The following CACNA1C variants were observed in gnomAD, a reference collection of about 807,000 sequenced individuals.
CACNA1C encodes calcium voltage-gated channel subunit alpha1 C.
A neutral mutation model predicts 229.0 loss-of-function variants in CACNA1C; 30 were observed. The ratio of observed to expected loss-of-function variants is 0.13; its 90% CI spans 0.10 to 0.18. CACNA1C has a LOEUF of 0.18. Ranked by LOEUF, CACNA1C falls within the 10% of genes least tolerant of loss-of-function variation. The probability of loss-of-function intolerance (pLI) is 1.00; values close to 1 mark genes in which losing one functional copy is unlikely to be tolerated. For missense variants in CACNA1C, 1,658 were observed against 2,845.0 expected (o/e 0.58, Z 9.49); for synonymous variants, 1,114 against 1,132.5 (o/e 0.98, Z 0.33).
chr12:2,645,960 A>G (rs151286416), intron 30 of CACNA1C, among the ~76,000 whole-genome samples: 669 of 152,302 alleles, frequency 4.4e-3, no homozygotes, highest in Non-Finnish European at 7.1e-3. Context: ...TGCCACACAG[A>G]CATCTCAGAG....
At chr12:2,237,502 A>C (rs190960681) in intron 3 of CACNA1C, among the ~76,000 whole-genome samples, 111 of 152,376 alleles carry the variant, frequency 7.3e-4, no homozygotes, top group Middle Eastern at 3.4e-3. Flanking sequence ...AAGATGCAGT[A>C]GCCTGGCCAC....
intron 3 of CACNA1C, among the ~76,000 whole-genome samples, chr12:2,171,460 G>T (rs1438804883): frequency 2.6e-5 from 4 of 152,166 alleles, no homozygotes; most frequent in Non-Finnish European, 5.9e-5. Flanking sequence ...ATGAGTCCAT[G>T]GTGGAAAAGC....
chr12:2,408,495 T>TG (rs1322929018), intron 3 of CACNA1C, among the ~76,000 whole-genome samples: 6 of 112,002 alleles, frequency 5.4e-5, no homozygotes, highest in Admixed American at 8.4e-5. Flanking sequence ...TAATTGGGGC[T>TG]TTTTTTTTTT....
intron 3 of CACNA1C, among the ~76,000 whole-genome samples, chr12:2,156,985 G>A (rs1219948496): frequency 1.3e-5 from 2 of 152,160 alleles, no homozygotes; most frequent in East Asian, 1.9e-4. Flanking sequence ...AATCCTAAGC[G>A]GCAGTGGGGA....
At chr12:2,515,250 A>G (rs750320573) in intron 9 of CACNA1C, among the ~76,000 whole-genome samples, 10 of 152,242 alleles carry the variant, frequency 6.6e-5, no homozygotes, top group Admixed American at 1.3e-4. Context: ...GTGGAACGTG[A>G]GAGACAGGAG....
intron 3 of CACNA1C, among the ~76,000 whole-genome samples, chr12:2,164,065 C>T (rs902423524): frequency 2.0e-5 from 3 of 152,224 alleles, no homozygotes; most frequent in African/African-American, 7.2e-5. Flanking sequence ...CCCTCCCCTC[C>T]TCTATCTAAA....
intron 5 of CACNA1C, among the ~76,000 whole-genome samples, chr12:2,480,908 A>G (rs573683162): frequency 6.6e-6 from 1 of 152,228 alleles, no homozygotes; most frequent in Non-Finnish European, 1.5e-5. Context: ...GTTGGCAATG[A>G]TCTCCAATTC....
chr12:2,677,650 A>T lies in CACNA1C; in HGVS notation c.4957-83A>T, dbSNP rs1603449309. 9 of 1,484,918 alleles carry T rather than the reference A, an allele frequency of 6.1e-6. No homozygotes were observed. The East Asian group carries it at 2.2e-4, about 36-fold the overall frequency. 92.0% of individuals were successfully genotyped at this position (1,484,918 alleles called of 1,614,324 possible). A position where few individuals can be genotyped will look rare whatever the true frequency, so the allele number is the denominator to read the frequency against. ...GAGGATGCCAGGGCCCTGGAGGGAC[A>T]GGTCTTGGCCCGAGGCTGTGGCTGG... is the stretch of plus-strand genomic sequence containing the variant. On this transcript the variant is annotated intron_variant, in intron 40 of 46. Coordinates refer to ENST00000399655, the MANE Select transcript of CACNA1C (RefSeq NM_000719.7). This position sits in a 1 kb window ranked among gnomAD's most constrained non-coding sequence, Gnocchi z 7.4.
At chr12:2,164,023 C>T (rs1164473301) in intron 3 of CACNA1C, among the ~76,000 whole-genome samples, 1 of 152,180 alleles carries the variant, frequency 6.6e-6, no homozygotes, top group Non-Finnish European at 1.5e-5. Flanking sequence ...GCCGTGGCTT[C>T]TTCTATCCCT....
chr12:2,398,682 C>T (rs55909860), intron 3 of CACNA1C, among the ~76,000 whole-genome samples: 2,878 of 152,272 alleles, frequency 0.019, 44 homozygotes, highest in Non-Finnish European at 0.03. Context: ...CTACCCCACC[C>T]AAAGCTGCAG....
rs560444371 is a variant in CACNA1C at position 2,107,975 on chromosome 12, T to A, written c.50-7249T>A. 2.6e-5 allele frequency among the ~76,000 whole-genome samples: 4 copies of A among 152,314 alleles called. No individual in the cohort carries two copies. The South Asian group carries it at 8.3e-4, about 32-fold the overall frequency. On this transcript the variant is annotated intron_variant, in intron 1 of 46. Transcript: ENST00000399655. ...ATGTGACTATCTGAATGTACCGTAATTGAAAATTAAGTAAAATGCAAAATG... is the reference window on the plus strand; with the variant it reads ...ATGTGACTATCTGAATGTACCGTAAATGAAAATTAAGTAAAATGCAAAATG...
intron 29 of CACNA1C, among the ~76,000 whole-genome samples, chr12:2,620,895 G>A (rs1356463153): frequency 6.6e-6 from 1 of 152,234 alleles, no homozygotes; most frequent in African/African-American, 2.4e-5. Context: ...ATGGATGAAT[G>A]AGAATTGTGA....
intron 3 of CACNA1C, among the ~76,000 whole-genome samples, chr12:2,361,224 C>G (rs1300463373): frequency 6.6e-6 from 1 of 151,162 alleles, no homozygotes; most frequent in Non-Finnish European, 1.5e-5. Context: ...CCTTTTGGAC[C>G]AGCCACACCC....
intron 3 of CACNA1C, among the ~76,000 whole-genome samples, chr12:2,444,528 C>G (rs1392917964): frequency 6.6e-6 from 1 of 152,096 alleles, no homozygotes; most frequent in East Asian, 1.9e-4. Flanking sequence ...GCACACTCTC[C>G]TCGTTCAGCC....
At chr12:2,629,220 T>C (rs144176007) in intron 29 of CACNA1C, among the ~76,000 whole-genome samples, 1 of 152,330 alleles carries the variant, frequency 6.6e-6, no homozygotes, top group East Asian at 1.9e-4. Flanking sequence ...TGCTTTTTGT[T>C]TTAAGCGATT....
chr12:2,310,269 T>C (rs1443287453), intron 3 of CACNA1C, among the ~76,000 whole-genome samples: 3 of 151,828 alleles, frequency 2.0e-5, no homozygotes, highest in Non-Finnish European at 4.4e-5. Flanking sequence ...CTCCAGGGCC[T>C]ACATTCTATT....
At chr12:2,626,732 A>G (rs558843815) in intron 29 of CACNA1C, among the ~76,000 whole-genome samples, 2 of 152,086 alleles carry the variant, frequency 1.3e-5, no homozygotes, top group Non-Finnish European at 2.9e-5. Flanking sequence ...AGGCAGAAAA[A>G]GAGCCTCCTG....
chr12:2,290,360 G>A (rs752645059), intron 3 of CACNA1C, among the ~76,000 whole-genome samples: 6 of 152,200 alleles, frequency 3.9e-5, no homozygotes, highest in Non-Finnish European at 5.9e-5. Flanking sequence ...GGGCAGGGGC[G>A]TGTTTTCAGA....
chr12:2,672,893 C>T (rs574560515), intron 38 of CACNA1C, among the ~76,000 whole-genome samples: 4 of 152,338 alleles, frequency 2.6e-5, no homozygotes, highest in Non-Finnish European at 5.9e-5. Context: ...CTACCTCTCC[C>T]GTGATGGGGA....
Sources: allele counts gnomAD v4.1 joint callset (sites outside exome capture counted in the v4.1 genomes callset), GRCh38; gene constraint gnomAD v4.1.1; non-coding constraint Gnocchi (gnomAD v3.1); transcripts MANE v1.5; gene names NCBI Gene and HGNC (gene_info 2026-07-23, HGNC 2026-07-21).